PPP1R7: variants seen among roughly 807,000 people sequenced by gnomAD.
PPP1R7 encodes the protein protein phosphatase 1 regulatory subunit 7.
PPP1R7 carries 18 observed loss-of-function variants against 45.2 expected under a neutral mutation model. The ratio of observed to expected loss-of-function variants is 0.40; its 90% CI spans 0.28 to 0.59. The LOEUF is 0.59. Among genes scored for constraint, PPP1R7 ranks in the 20% least tolerant of loss-of-function variants. The probability of loss-of-function intolerance (pLI) is 0.46; values close to 1 mark genes in which losing one functional copy is unlikely to be tolerated. For synonymous variants in PPP1R7, 181 were observed against 183.4 expected, an observed-to-expected ratio of 0.99 and a Z score of 0.11; for missense variants, 314 against 455.8, an observed-to-expected ratio of 0.69 and a Z score of 2.83.
In PPP1R7 at chr2:241,160,557, C is replaced by T. The variant is rs1396721426; in HGVS notation, c.597+63C>T. On this transcript the variant is annotated intron_variant, in intron 6 of 9. Transcript: ENST00000234038. ...AGGCAGCTAGCGGGCTGTGTGTGGA[C>T]TCAGTGGGTGTATGTAGAATGCATG... The T allele has an allele frequency of 2.1e-6, 3 of 1,419,750 alleles. 1 individual carries two copies. Among genetic ancestry groups the T allele is most frequent in the South Asian group, 2.8e-5 (2 of 70,884 alleles). The allele number at this position is 1,419,750 out of a possible 1,614,324, so 87.9% of individuals were successfully genotyped here. A position where few individuals can be genotyped will look rare whatever the true frequency, so the allele number is the denominator to read the frequency against.
At chr2:241,174,226 T>C (rs2067870114) in intron 9 of PPP1R7, among the ~76,000 whole-genome samples, 1 of 152,218 alleles carries the variant, frequency 6.6e-6, no homozygotes, top group African/African-American at 2.4e-5. Flanking sequence ...CTCTGGTGAA[T>C]ATCCTGTGTA....
intron 9 of PPP1R7, among the ~76,000 whole-genome samples, chr2:241,178,053 G>A (rs562352224): frequency 4.6e-5 from 7 of 152,340 alleles, no homozygotes; most frequent in East Asian, 1.9e-4. Context: ...TGTAGGCAGC[G>A]CCCTGCACAA....
At position 241,174,918 on chromosome 2, in the gene PPP1R7, G is replaced by A. The variant is rs542000881; in HGVS notation, c.906+5051G>A. On this transcript the variant is annotated intron_variant, in intron 9 of 9. Coordinates refer to ENST00000234038, the MANE Select transcript of PPP1R7 (RefSeq NM_002712.3). Reference sequence around the variant, plus strand: ...TCTCCATCTCCTGACCTCATGATCCGCCCGCCTTGGCCTCCCCAGGTGCTG... The same window carrying A: ...TCTCCATCTCCTGACCTCATGATCCACCCGCCTTGGCCTCCCCAGGTGCTG... Among the ~76,000 whole-genome samples, 7 of 152,044 alleles carry A rather than the reference G, an allele frequency of 4.6e-5. No homozygotes were observed. In the South Asian group the frequency reaches 1.2e-3, roughly 27 times the overall value.
At chr2:241,150,419 G>C (rs1365134107), upstream of PPP1R7, 4 of 1,414,182 alleles carry the variant, frequency 2.8e-6, no homozygotes, top group Non-Finnish European at 3.7e-6. Flanking sequence ...CATTGGCAGG[G>C]CCGGCTCTGA....
chr2:241,152,817 A>C lies in PPP1R7; in HGVS notation c.53-659A>C, dbSNP rs111780626. 4.0e-3 allele frequency among the ~76,000 whole-genome samples: 605 copies of C among 152,354 alleles called. 1 individual carries two copies. Among genetic ancestry groups the C allele is most frequent in the Middle Eastern group, 0.01 (3 of 294 alleles). On this transcript the variant is annotated intron_variant, in intron 1 of 9. Coordinates refer to ENST00000234038, the MANE Select transcript of PPP1R7 (RefSeq NM_002712.3). Reference sequence around the variant, plus strand: ...AAAGAATTTTTACCTGACACATTGAATTGCCTTATTCTTTAATTCAAAAAA... The same window carrying C: ...AAAGAATTTTTACCTGACACATTGACTTGCCTTATTCTTTAATTCAAAAAA...
At chr2:241,171,039 C>T (rs561989967) in intron 9 of PPP1R7, among the ~76,000 whole-genome samples, 10 of 152,266 alleles carry the variant, frequency 6.6e-5, no homozygotes, top group African/African-American at 2.4e-4. Context: ...AGTCCAGAGA[C>T]AGAGGACCAG....
intron 1 of PPP1R7, 46 bp downstream of exon 1, chr2:241,150,593 G>A (rs1233861684): frequency 1.0e-5 from 16 of 1,559,098 alleles, no homozygotes; most frequent in Non-Finnish European, 1.4e-5. Context: ...AGCGGGCGGG[G>A]GGAGCTGCGG....
intron 2 of PPP1R7, among the ~76,000 whole-genome samples, chr2:241,153,849 G>A (rs1030835530): frequency 6.6e-6 from 1 of 152,144 alleles, no homozygotes; most frequent in African/African-American, 2.4e-5. Context: ...GCAAATCCTA[G>A]CACAAATATG....
At chr2:241,175,692 T>C (rs1251270486) in intron 9 of PPP1R7, among the ~76,000 whole-genome samples, 1 of 152,186 alleles carries the variant, frequency 6.6e-6, no homozygotes. Flanking sequence ...CCTCCTGAGT[T>C]CAAGTGATCC....
chr2:241,181,626 T>C (rs1161818293), intron 9 of PPP1R7, among the ~76,000 whole-genome samples: 2 of 152,118 alleles, frequency 1.3e-5, no homozygotes, highest in African/African-American at 4.8e-5. Flanking sequence ...ACCACAGCTG[T>C]GGGCAGGGCA....
chr2:241,154,205 GGAAAA>G (rs753582220), intron 2 of PPP1R7, among the ~76,000 whole-genome samples: 85 of 132,670 alleles, frequency 6.4e-4, no homozygotes, highest in Admixed American at 1.0e-3. Flanking sequence ...AAAAAAAAAA[GGAAAA>G]AGAAAAGAAC....
In PPP1R7 at chr2:241,183,111, C is replaced by A. The variant is rs2068036540; in HGVS notation, c.*288C>A. On this transcript the variant is annotated 3_prime_UTR_variant, in exon 10 of 10. Coordinates refer to ENST00000234038, the MANE Select transcript of PPP1R7 (RefSeq NM_002712.3). ...ATTCGCTAGAAATCCCTGTTTCCTT[C>A]TCTCAGAAGGCAGTCACAGTCCCTA... 1 of 440,518 alleles carries A rather than the reference C, an allele frequency of 2.3e-6. No homozygotes were observed. The highest frequency in any genetic ancestry group is 3.5e-5 in the Admixed American group (1 of 28,666). 27.3% of individuals were successfully genotyped at this position (440,518 alleles called of 1,614,324 possible). A position where few individuals can be genotyped will look rare whatever the true frequency, so the allele number is the denominator to read the frequency against.
At chr2:241,176,390 A>T (rs2149070171) in intron 9 of PPP1R7, among the ~76,000 whole-genome samples, 1 of 152,316 alleles carries the variant, frequency 6.6e-6, no homozygotes, top group East Asian at 1.9e-4. Flanking sequence ...TAGGGTGTTC[A>T]CAGAGCAAGA....
intron 8 of PPP1R7, 77 bp from the exon 9 acceptor site, chr2:241,169,704 T>C: frequency 1.6e-6 from 2 of 1,260,040 alleles, no homozygotes; most frequent in South Asian, 1.2e-5. Flanking sequence ...AGGTCAGCAC[T>C]TGACACTGCC....
At chr2:241,153,057 A>G (rs2067359696) in intron 1 of PPP1R7, among the ~76,000 whole-genome samples, 1 of 152,202 alleles carries the variant, frequency 6.6e-6, no homozygotes, top group Non-Finnish European at 1.5e-5. Flanking sequence ...TTTCTTAGCC[A>G]GATAAATAGT....
chr2:241,150,311 G>T, upstream of PPP1R7: 1 of 1,335,508 alleles, frequency 7.5e-7, no homozygotes. Flanking sequence ...CCTGCTCTGG[G>T]GGAGGCGCGG....
chr2:241,165,434 T>G (rs2067683619), intron 7 of PPP1R7, among the ~76,000 whole-genome samples: 1 of 152,190 alleles, frequency 6.6e-6, no homozygotes, highest in Non-Finnish European at 1.5e-5. Flanking sequence ...CCCAAAGTGC[T>G]GGGATTATAG....
At chr2:241,168,787 G>A (rs908566178) in intron 8 of PPP1R7, among the ~76,000 whole-genome samples, 14 of 152,234 alleles carry the variant, frequency 9.2e-5, no homozygotes, top group Admixed American at 5.9e-4. Context: ...CAGCCATAGC[G>A]CTTTCGAATT....
upstream of PPP1R7, chr2:241,150,409 C>T (rs1398163169): frequency 1.4e-6 from 2 of 1,379,930 alleles, no homozygotes; most frequent in East Asian, 6.1e-5. Flanking sequence ...GCCGGAATCC[C>T]ATTGGCAGGG....
Sources: gnomAD v4.1 joint callset for allele counts (sites outside exome capture counted in the v4.1 genomes callset) on GRCh38, gnomAD v4.1.1 for gene constraint, MANE v1.5 for transcripts, NCBI Gene and HGNC (gene_info 2026-07-23, HGNC 2026-07-21) for gene names.